PKHD1L1: variants seen among roughly 807,000 people sequenced by gnomAD.
PKHD1L1 encodes fibrocystin-L.
In PKHD1L1, 434 loss-of-function variants were observed where a neutral mutation model predicts 462.9. The observed-to-expected ratio is 0.94, with a 90% CI of 0.87 to 1.02. PKHD1L1 has a LOEUF of 1.02. PKHD1L1 is among the 50% of genes least tolerant of loss of function. PKHD1L1 has a pLI of 0.00. For synonymous variants in PKHD1L1, 1,781 were observed against 1,750.0 expected, an observed-to-expected ratio of 1.02 and a Z score of -0.44; for missense variants, 5,202 against 5,096.1, an observed-to-expected ratio of 1.02 and a Z score of -0.63.
chr8:109,484,376 T>A (rs73704033), intron 57 of PKHD1L1, among the ~76,000 whole-genome samples: 7,341 of 151,932 alleles, frequency 0.048, 427 homozygotes, highest in African/African-American at 0.14. Flanking sequence ...CAATCTATCA[T>A]GGAACTTCCA....
intron 56 of PKHD1L1, 128 bp downstream of exon 56, chr8:109,481,690 A>G (rs1262689171): frequency 2.3e-5 from 20 of 876,894 alleles, no homozygotes; most frequent in Non-Finnish European, 2.9e-5. Context: ...CTGATACAAA[A>G]GTATCAGAAG....
chr8:109,521,108 C>T (rs1563635946), intron 73 of PKHD1L1, among the ~76,000 whole-genome samples: 2 of 152,148 alleles, frequency 1.3e-5, no homozygotes, highest in Non-Finnish European at 2.9e-5. Flanking sequence ...GAGTCTGAGT[C>T]ATCCAAAAGA....
At chr8:109,397,301 A>G (rs748760754) in intron 11 of PKHD1L1, among the ~76,000 whole-genome samples, 19 of 152,162 alleles carry the variant, frequency 1.2e-4, no homozygotes, top group Admixed American at 6.5e-4. Context: ...TTTGCTTCCA[A>G]TAAAATGGGT....
At chr8:109,378,555 C>T (rs1811952493) in intron 2 of PKHD1L1, among the ~76,000 whole-genome samples, 1 of 152,198 alleles carries the variant, frequency 6.6e-6, no homozygotes, top group Admixed American at 6.5e-5. Context: ...TGAAAAACTT[C>T]CATGACTGTC....
At position 109,382,470 on chromosome 8, in the gene PKHD1L1, C is replaced by A; in HGVS notation, c.316C>A (p.Pro106Thr). The change falls in exon 4 of 78, where the codon CCG (proline) becomes ACG (threonine). Residue 106 changes from proline (P) to threonine (T), a missense_variant. Pro to Thr is a conservative substitution (Grantham distance 38). Coordinates refer to ENST00000378402, the MANE Select transcript of PKHD1L1 (RefSeq NM_177531.6). ...TQITCYTRAM[P>T]EDSYTVRVSV... ...TCTTCATTTTCTTTATAGAGCAATG[C>A]CGGAAGATTCCTACACTGTTAGAGT... 1 of 1,603,718 alleles carries A rather than the reference C, an allele frequency of 6.2e-7. No individual in the cohort carries two copies. Among genetic ancestry groups the A allele is most frequent in the Non-Finnish European group, 8.5e-7 (1 of 1,175,374 alleles).
chr8:109,414,018 A>G (rs1813998117), intron 21 of PKHD1L1, among the ~76,000 whole-genome samples: 1 of 152,130 alleles, frequency 6.6e-6, no homozygotes, highest in African/African-American at 2.4e-5. Context: ...TAAAGGAAGA[A>G]ACAAAATAAA....
rs190366338 is a variant in PKHD1L1 at position 109,528,035 on chromosome 8, C to T, written c.12721+1015C>T. On this transcript the variant is annotated intron_variant, in intron 77 of 77. Coordinates refer to ENST00000378402, the MANE Select transcript of PKHD1L1 (RefSeq NM_177531.6). ...ACTAAGGATAATAAAGGTGCTAGTA[C>T]GAGGAATGACAGGCAGACAGAGACA... Among the ~76,000 whole-genome samples the T allele has an allele frequency of 2.2e-3, 330 of 152,066 alleles. 2 individuals are homozygous for T. Among genetic ancestry groups the T allele is most frequent in the African/African-American group, 7.7e-3 (318 of 41,478 alleles).
chr8:109,481,621 T>C (rs770908234), intron 56 of PKHD1L1, 59 bp downstream of exon 56: 9 of 1,423,858 alleles, frequency 6.3e-6, no homozygotes, highest in Non-Finnish European at 8.3e-6. Context: ...CTTTAAAATA[T>C]ATGGCACTAA....
rs771576581 is a variant in PKHD1L1 at position 109,464,706 on chromosome 8, G to A, written c.7874G>A (p.Trp2625Ter). The change falls in exon 49 of 78, where the codon TGG (tryptophan) becomes TAG (stop). Residue 2625 changes from tryptophan (W) to a stop codon, truncating the protein, a stop_gained. Coordinates refer to ENST00000378402, the MANE Select transcript of PKHD1L1 (RefSeq NM_177531.6). LOFTEE classifies it high-confidence loss of function. ...TVHSQGWFGM[W>*]IFEEYFPMQT... ...CATTCTCAAGGTTGGTTTGGAATGT[G>A]GATCTTTGAGGAATATTTCCCCATG... The A allele has an allele frequency of 2.5e-6, 4 of 1,613,692 alleles. No homozygotes were observed. Among genetic ancestry groups the A allele is most frequent in the African/African-American group, 2.7e-5 (2 of 75,004 alleles).
chr8:109,372,178 A>G (rs561402073), intron 2 of PKHD1L1, among the ~76,000 whole-genome samples: 2 of 151,972 alleles, frequency 1.3e-5, no homozygotes, highest in Middle Eastern at 3.2e-3. Context: ...CTTTTATTTC[A>G]TTGAGCAGTG....
At chr8:109,367,716 C>A (rs1811302477) in intron 2 of PKHD1L1, among the ~76,000 whole-genome samples, 1 of 152,200 alleles carries the variant, frequency 6.6e-6, no homozygotes. Context: ...GGCAATATAG[C>A]AAGACCCTGT....
chr8:109,397,050 T>C (rs1449323052), intron 11 of PKHD1L1, among the ~76,000 whole-genome samples: 1 of 152,216 alleles, frequency 6.6e-6, no homozygotes, highest in Non-Finnish European at 1.5e-5. Context: ...GTATAATGTA[T>C]TAATCTGACC....
At chr8:109,374,589 C>T (rs1413535141) in intron 2 of PKHD1L1, among the ~76,000 whole-genome samples, 1 of 152,178 alleles carries the variant, frequency 6.6e-6, no homozygotes, top group Admixed American at 6.5e-5. Flanking sequence ...CAGTTTCTTC[C>T]TAGCCTTGAT....
chr8:109,423,438 T>C (rs1005833517), intron 23 of PKHD1L1, among the ~76,000 whole-genome samples: 8 of 152,194 alleles, frequency 5.3e-5, no homozygotes, highest in Non-Finnish European at 1.0e-4. Flanking sequence ...ATCATATTTG[T>C]GTGGGCATAT....
chr8:109,373,716 G>A (rs918574475), intron 2 of PKHD1L1, among the ~76,000 whole-genome samples: 10 of 152,070 alleles, frequency 6.6e-5, no homozygotes, highest in Non-Finnish European at 8.8e-5. Context: ...CTTTGTCCTC[G>A]TTGGTTTCAA....
intron 2 of PKHD1L1, among the ~76,000 whole-genome samples, chr8:109,369,135 C>G (rs999769173): frequency 6.6e-6 from 1 of 152,080 alleles, no homozygotes; most frequent in African/African-American, 2.4e-5. Context: ...CCTGCCACTA[C>G]CCCCGGCTAA....
At chr8:109,374,306 T>A (rs199846360) in intron 2 of PKHD1L1, among the ~76,000 whole-genome samples, 1 of 152,192 alleles carries the variant, frequency 6.6e-6, no homozygotes, top group African/African-American at 2.4e-5. Flanking sequence ...CTGTTTTATC[T>A]GAGACTAGGA....
intron 50 of PKHD1L1, among the ~76,000 whole-genome samples, chr8:109,474,452 G>C (rs2130864839): frequency 6.6e-6 from 1 of 152,226 alleles, no homozygotes; most frequent in South Asian, 2.1e-4. Context: ...GTAACAGGTA[G>C]TTCAGGTTCA....
intron 7 of PKHD1L1, 45 bp from the exon 8 acceptor site, chr8:109,389,034 T>G: frequency 8.0e-7 from 1 of 1,246,164 alleles, no homozygotes; most frequent in Non-Finnish European, 1.1e-6. Context: ...TATTCTAAAA[T>G]TTTAGTGTCT....
Sources: allele counts gnomAD v4.1 joint callset (sites outside exome capture counted in the v4.1 genomes callset), GRCh38; gene constraint gnomAD v4.1.1; transcripts MANE v1.5; gene names NCBI Gene and HGNC (gene_info 2026-07-23, HGNC 2026-07-21).